The following SLC9A9 variants were observed in gnomAD, a reference collection of about 807,000 sequenced individuals.
SLC9A9 encodes solute carrier family 9 member A9.
A neutral mutation model predicts 77.8 loss-of-function variants in SLC9A9; 62 were observed. That is an observed-to-expected ratio of 0.80 (90% CI 0.65 to 0.98). SLC9A9 has a LOEUF of 0.98. Among genes scored for constraint, SLC9A9 ranks in the 50% least tolerant of loss-of-function variants. The pLI is 0.00. For missense variants in SLC9A9, 775 were observed against 774.9 expected, an observed-to-expected ratio of 1.00 and a Z score of 0.00; for synonymous variants, 320 against 283.5, an observed-to-expected ratio of 1.13 and a Z score of -1.29.
intron 12 of SLC9A9, among the ~76,000 whole-genome samples, chr3:143,394,685 T>C (rs951772393): frequency 6.6e-6 from 1 of 152,222 alleles, no homozygotes; most frequent in South Asian, 2.1e-4. Flanking sequence ...GATGACATGA[T>C]GGTATGTCTA....
In SLC9A9 at chr3:143,440,770, C is replaced by A. The variant is rs528630316; in HGVS notation, c.1469+26267G>T. 4.1e-4 allele frequency among the ~76,000 whole-genome samples: 62 copies of A among 152,274 alleles called. 1 individual carries two copies. Among genetic ancestry groups the A allele is most frequent in the South Asian group, 3.7e-3 (18 of 4,820 alleles). ...AAAGCCACTTGAACAGTGTACACCC[C>A]AAAGGAGCTTTGCTGGTAAAACTGA... On this transcript the variant is annotated intron_variant, in intron 12 of 15. Transcript: ENST00000316549.
chr3:143,428,286 A>ATTCTGAATAGACG, intron 12 of SLC9A9, among the ~76,000 whole-genome samples: 1 of 152,268 alleles, frequency 6.6e-6, no homozygotes, highest in South Asian at 2.1e-4. Flanking sequence ...CTGAATAGAC[A>ATTCTGAATAGACG]TTTTTCAGAA....
intron 5 of SLC9A9, among the ~76,000 whole-genome samples, chr3:143,683,251 G>A (rs867809030): frequency 2.7e-4 from 41 of 152,050 alleles, no homozygotes; most frequent in African/African-American, 9.4e-4. Flanking sequence ...ATCAAGCATC[G>A]CCTATTGAAC....
chr3:143,404,936 C>T (rs181255274), intron 12 of SLC9A9, among the ~76,000 whole-genome samples: 4 of 152,308 alleles, frequency 2.6e-5, no homozygotes, highest in Admixed American at 2.0e-4. Flanking sequence ...TTATTTTGGT[C>T]ATAAGTTATG....
At chr3:143,654,534 TC>T (rs1184156424) in intron 5 of SLC9A9, among the ~76,000 whole-genome samples, 4 of 152,332 alleles carry the variant, frequency 2.6e-5, no homozygotes, top group Non-Finnish European at 5.9e-5. Context: ...AATCTCTTTC[TC>T]CTTTTTGGAT....
chr3:143,715,504 C>T (rs1312712257), intron 4 of SLC9A9, among the ~76,000 whole-genome samples: 2 of 152,148 alleles, frequency 1.3e-5, no homozygotes, highest in African/African-American at 2.4e-5. Context: ...TTTATAATGC[C>T]TATACTTTCA....
chr3:143,330,862 C>T (rs1025448215), intron 14 of SLC9A9, among the ~76,000 whole-genome samples: 1 of 152,204 alleles, frequency 6.6e-6, no homozygotes, highest in Non-Finnish European at 1.5e-5. Flanking sequence ...TGCATTAATG[C>T]ATATTTCATT....
chr3:143,601,859 G>A lies in SLC9A9; in HGVS notation c.756-23136C>T, dbSNP rs1464240994. On this transcript the variant is annotated intron_variant, in intron 6 of 15. Coordinates refer to ENST00000316549, the MANE Select transcript of SLC9A9 (RefSeq NM_173653.4). ...TCGAGACACTCTCACTTTGCTACAT[G>A]GCATTGTGCCATGCCCCCCACTGTT... 2.0e-5 allele frequency among the ~76,000 whole-genome samples: 3 copies of A among 151,768 alleles called. No individual in the cohort carries two copies. In the East Asian group the frequency reaches 5.8e-4, roughly 29 times the overall value.
At chr3:143,730,133 T>C (rs534270638) in intron 4 of SLC9A9, among the ~76,000 whole-genome samples, 1 of 152,200 alleles carries the variant, frequency 6.6e-6, no homozygotes, top group African/African-American at 2.4e-5. Context: ...GAAGTAAATC[T>C]GATTCTGACA....
intron 1 of SLC9A9, among the ~76,000 whole-genome samples, chr3:143,843,564 A>G (rs2009757645): frequency 6.6e-6 from 1 of 152,210 alleles, no homozygotes; most frequent in African/African-American, 2.4e-5. Context: ...AACAGTGGCC[A>G]CAATTTTTAC....
At chr3:143,612,133 A>G (rs745309914) in intron 6 of SLC9A9, among the ~76,000 whole-genome samples, 7 of 152,180 alleles carry the variant, frequency 4.6e-5, no homozygotes, top group Non-Finnish European at 7.3e-5. Context: ...GCTTGCCCCT[A>G]TAGAGGGTGG....
At chr3:143,574,863 G>A (rs886983062) in intron 7 of SLC9A9, among the ~76,000 whole-genome samples, 4 of 152,202 alleles carry the variant, frequency 2.6e-5, no homozygotes, top group Admixed American at 2.6e-4. Context: ...GTTGGGCAGA[G>A]AATGGATCAT....
In SLC9A9 at chr3:143,598,521, T is replaced by C. The variant is rs559535934; in HGVS notation, c.756-19798A>G. Among the ~76,000 whole-genome samples, 7 of 152,356 alleles carry C rather than the reference T, an allele frequency of 4.6e-5. No individual in the cohort carries two copies. The South Asian group carries it at 1.4e-3, about 32-fold the overall frequency. On this transcript the variant is annotated intron_variant, in intron 6 of 15. Coordinates refer to ENST00000316549, the MANE Select transcript of SLC9A9 (RefSeq NM_173653.4). ...ACCCAGTTTTCTCAGGCAGATTCTT[T>C]GTACCAGTGAATCACTATTTACACT...
chr3:143,522,637 T>C (rs967575057), intron 9 of SLC9A9, among the ~76,000 whole-genome samples: 10 of 152,090 alleles, frequency 6.6e-5, no homozygotes, highest in African/African-American at 1.9e-4. Context: ...CCACCAAATA[T>C]AAATAAACCA....
At chr3:143,618,613 G>T (rs78408462) in intron 6 of SLC9A9, among the ~76,000 whole-genome samples, 2,080 of 152,210 alleles carry the variant, frequency 0.014, 43 homozygotes, top group African/African-American at 0.047. Context: ...GGTGGCCTTA[G>T]GACCAACCTG....
At chr3:143,495,791 T>A (rs963089972) in intron 9 of SLC9A9, among the ~76,000 whole-genome samples, 3 of 152,228 alleles carry the variant, frequency 2.0e-5, no homozygotes, top group African/African-American at 4.8e-5. Flanking sequence ...GAAGGTGTAC[T>A]GTAGTAAATG....
chr3:143,533,042 G>A (rs2036538392), intron 9 of SLC9A9, among the ~76,000 whole-genome samples: 1 of 152,216 alleles, frequency 6.6e-6, no homozygotes, highest in Admixed American at 6.5e-5. Context: ...AAGGGGAGCA[G>A]GGCCCATGGA....
chr3:143,594,721 C>T (rs1241330098), intron 6 of SLC9A9, among the ~76,000 whole-genome samples: 1 of 152,018 alleles, frequency 6.6e-6, no homozygotes, highest in African/African-American at 2.4e-5. Context: ...TAACTTGTAT[C>T]TGCACATTTT....
intron 14 of SLC9A9, among the ~76,000 whole-genome samples, chr3:143,281,895 C>CT (rs1455018851): frequency 1.3e-5 from 2 of 152,210 alleles, no homozygotes; most frequent in Non-Finnish European, 2.9e-5. Flanking sequence ...CCCCACTTAC[C>CT]TTTCCTATCT....
Sources: gnomAD v4.1 joint callset for allele counts (sites outside exome capture counted in the v4.1 genomes callset) on GRCh38, gnomAD v4.1.1 for gene constraint, MANE v1.5 for transcripts, NCBI Gene and HGNC (gene_info 2026-07-23, HGNC 2026-07-21) for gene names.